RBFOX1: variants seen among roughly 807,000 people sequenced by gnomAD.
RBFOX1 encodes RNA binding protein fox-1 homolog 1.
In RBFOX1, 8 loss-of-function variants were observed where a neutral mutation model predicts 57.7. The ratio of observed to expected loss-of-function variants is 0.14; its 90% CI spans 0.08 to 0.25. The LOEUF (loss-of-function observed/expected upper bound fraction) is 0.25. RBFOX1 is among the 10% of genes least tolerant of loss of function. RBFOX1 has a pLI of 1.00. For synonymous variants in RBFOX1, 326 were observed against 222.4 expected, an observed-to-expected ratio of 1.47 and a Z score of -4.15; for missense variants, 611 against 548.5, an observed-to-expected ratio of 1.11 and a Z score of -1.14.
At chr16:6,419,742 C>T (rs1460736187) in intron 2 of RBFOX1, among the ~76,000 whole-genome samples, 1 of 152,116 alleles carries the variant, frequency 6.6e-6, no homozygotes, top group African/African-American at 2.4e-5. Flanking sequence ...CTATCTTTTA[C>T]ACGCAGCACA....
intron 3 of RBFOX1, among the ~76,000 whole-genome samples, chr16:5,841,766 C>T (rs573313729): frequency 3.7e-4 from 57 of 152,192 alleles, no homozygotes; most frequent in Non-Finnish European, 6.8e-4. Flanking sequence ...ACTGAACAGG[C>T]CTGATGCAGC....
intron 2 of RBFOX1, among the ~76,000 whole-genome samples, chr16:5,516,939 T>A (rs2043813696): frequency 6.6e-6 from 1 of 152,070 alleles, no homozygotes; most frequent in South Asian, 2.1e-4. Flanking sequence ...CAGTCTCAGG[T>A]ATTTCTTAAT....
intron 3 of RBFOX1, among the ~76,000 whole-genome samples, chr16:6,822,518 A>G (rs541771989): frequency 8.1e-4 from 123 of 152,348 alleles, no homozygotes; most frequent in African/African-American, 2.4e-3. Context: ...CAGGAATGCA[A>G]TTCCACTTCG....
At chr16:6,283,252 C>T (rs539919476) in intron 1 of RBFOX1, among the ~76,000 whole-genome samples, 153 of 152,160 alleles carry the variant, frequency 1.0e-3, no homozygotes, top group African/African-American at 2.0e-3. Flanking sequence ...GCTTGAACCC[C>T]GGAGGTTGAG....
At chr16:6,282,104 A>G (rs1202334933) in intron 1 of RBFOX1, among the ~76,000 whole-genome samples, 1 of 152,176 alleles carries the variant, frequency 6.6e-6, no homozygotes, top group Non-Finnish European at 1.5e-5. Context: ...AATTAAAGGT[A>G]TCACCTCTAA....
chr16:6,681,714 A>T (rs1212394981), intron 3 of RBFOX1, among the ~76,000 whole-genome samples: 1 of 152,126 alleles, frequency 6.6e-6, no homozygotes, highest in Non-Finnish European at 1.5e-5. Flanking sequence ...AAAATGTTCA[A>T]ACTTATCTGA....
chr16:7,136,241 A>G (rs1475070061), intron 4 of RBFOX1, among the ~76,000 whole-genome samples: 1 of 152,182 alleles, frequency 6.6e-6, no homozygotes, highest in Non-Finnish European at 1.5e-5. Flanking sequence ...CAGTAATCAC[A>G]GTGGATATTG....
intron 3 of RBFOX1, among the ~76,000 whole-genome samples, chr16:5,716,467 G>C (rs77274049): frequency 7.2e-4 from 110 of 152,168 alleles, no homozygotes; most frequent in Non-Finnish European, 1.4e-3. Context: ...CCTCAGCTTC[G>C]CTGATGATTA....
chr16:5,802,313 C>T (rs192539389), intron 3 of RBFOX1, among the ~76,000 whole-genome samples: 1 of 152,122 alleles, frequency 6.6e-6, no homozygotes, highest in Non-Finnish European at 1.5e-5. Flanking sequence ...TTTCCACTTG[C>T]AGCCAGGGAA....
chr16:6,023,606 C>T (rs2095128013), intron 1 of RBFOX1, among the ~76,000 whole-genome samples: 1 of 152,286 alleles, frequency 6.6e-6, no homozygotes, highest in South Asian at 2.1e-4. Flanking sequence ...AGCGATTTCC[C>T]AGTGGCGTGT....
rs146700586 is a variant in RBFOX1 at position 6,694,070 on chromosome 16, G to A, written c.-16+39420G>A. ...TATGTCACTACTCAGATGCTGAAATGTTTGAAACAAATTTCAATAATTCAA... is the reference window on the plus strand; with the variant it reads ...TATGTCACTACTCAGATGCTGAAATATTTGAAACAAATTTCAATAATTCAA... On this transcript the variant is annotated intron_variant, in intron 3 of 15. Coordinates refer to ENST00000550418, the MANE Select transcript of RBFOX1 (RefSeq NM_018723.4). 3.5e-3 allele frequency among the ~76,000 whole-genome samples: 534 copies of A among 152,326 alleles called. 3 individuals are homozygous for A. The highest frequency in any genetic ancestry group is 0.012 in the African/African-American group (518 of 41,580).
chr16:7,216,131 G>C (rs2091997048), intron 4 of RBFOX1, among the ~76,000 whole-genome samples: 1 of 152,148 alleles, frequency 6.6e-6, no homozygotes, highest in African/African-American at 2.4e-5. Flanking sequence ...TGCGTTGCCA[G>C]ACAACATACT....
intron 3 of RBFOX1, among the ~76,000 whole-genome samples, chr16:5,777,057 C>G (rs2054171355): frequency 6.6e-6 from 1 of 152,208 alleles, no homozygotes; most frequent in African/African-American, 2.4e-5. Context: ...TGCTCTAATG[C>G]CCTGACGTCA....
chr16:6,311,968 C>A (rs1041790110), intron 1 of RBFOX1, among the ~76,000 whole-genome samples: 1 of 152,124 alleles, frequency 6.6e-6, no homozygotes, highest in African/African-American at 2.4e-5. Context: ...CAGTTAAACG[C>A]CAGACACCTG....
rs529060076 is a variant in RBFOX1, at chr16:7,379,287, T to G, written c.28-138860T>G. Among the ~76,000 whole-genome samples, 10 of 152,338 alleles carry G rather than the reference T, an allele frequency of 6.6e-5. No individual in the cohort carries two copies. In the East Asian group the frequency reaches 1.9e-3, roughly 29 times the overall value. ...CATTGGTAACTGTGCCCTGCCTCTT[T>G]CTGTCCAAAAGAGTATCTTATTTTT... is the stretch of plus-strand genomic sequence containing the variant. On this transcript the variant is annotated intron_variant, in intron 4 of 15. Coordinates refer to ENST00000550418, the MANE Select transcript of RBFOX1 (RefSeq NM_018723.4).
At chr16:7,022,443 C>A (rs1597264749) in intron 3 of RBFOX1, among the ~76,000 whole-genome samples, 1 of 151,988 alleles carries the variant, frequency 6.6e-6, no homozygotes, top group Non-Finnish European at 1.5e-5. Flanking sequence ...CCCCACATTT[C>A]CCTCTGTCTC....
At chr16:6,260,202 C>T (rs1480893641) in intron 1 of RBFOX1, among the ~76,000 whole-genome samples, 2 of 152,128 alleles carry the variant, frequency 1.3e-5, no homozygotes, top group Non-Finnish European at 2.9e-5. Flanking sequence ...TTACATGCAG[C>T]CTGTGGTCCC....
chr16:5,426,908 G>A (rs1299823128), intron 1 of RBFOX1, among the ~76,000 whole-genome samples: 4 of 152,310 alleles, frequency 2.6e-5, no homozygotes, highest in East Asian at 3.9e-4. Context: ...GAAAATTGGA[G>A]CCCAGAGCCC....
intron 3 of RBFOX1, among the ~76,000 whole-genome samples, chr16:5,836,916 C>T (rs2056476367): frequency 6.6e-6 from 1 of 152,198 alleles, no homozygotes; most frequent in South Asian, 2.1e-4. Flanking sequence ...GTTTCCTGGT[C>T]TCCAACCTCA....
Sources: allele counts gnomAD v4.1 joint callset (sites outside exome capture counted in the v4.1 genomes callset), GRCh38; gene constraint gnomAD v4.1.1; transcripts MANE v1.5; gene names NCBI Gene and HGNC (gene_info 2026-07-23, HGNC 2026-07-21).